Variants in ATP8A1 observed in about 807,000 individuals in gnomAD.
ATP8A1 encodes ATPase phospholipid transporting 8A1.
Under a neutral mutation model 177.7 loss-of-function variants are expected in ATP8A1, and 90 were observed. The ratio of observed to expected loss-of-function variants is 0.51; its 90% CI spans 0.43 to 0.60. The LOEUF is 0.60. Among genes scored for constraint, ATP8A1 ranks in the 20% least tolerant of loss-of-function variants. The probability of loss-of-function intolerance (pLI) is 0.00; values close to 1 mark genes in which losing one functional copy is unlikely to be tolerated. For missense variants in ATP8A1, 1,072 were observed against 1,392.8 expected (o/e 0.77, Z 3.67); for synonymous variants, 493 against 485.9 (o/e 1.01, Z -0.19).
intron 1 of ATP8A1, among the ~76,000 whole-genome samples, chr4:42,640,415 A>G (rs935963981): frequency 2.0e-5 from 3 of 152,354 alleles, no homozygotes; most frequent in African/African-American, 4.8e-5. Context: ...CTATTGGCCA[A>G]TGAGTTTGAG....
At chr4:42,523,185 C>A (rs890589948) in intron 21 of ATP8A1, among the ~76,000 whole-genome samples, 15 of 152,152 alleles carry the variant, frequency 9.9e-5, no homozygotes, top group Admixed American at 9.2e-4. Flanking sequence ...AAGTGACCCA[C>A]CCTGTGTCTG....
intron 13 of ATP8A1, 55 bp downstream of exon 13, chr4:42,575,567 C>T: frequency 6.8e-7 from 1 of 1,472,732 alleles, no homozygotes. Flanking sequence ...TGGCAGATAC[C>T]ACACCAAATC....
chr4:42,567,826 G>T (rs1043691372), intron 15 of ATP8A1, among the ~76,000 whole-genome samples: 1 of 152,134 alleles, frequency 6.6e-6, no homozygotes, highest in Non-Finnish European at 1.5e-5. Flanking sequence ...TTTGAATGAC[G>T]TGAGTAAACA....
intron 30 of ATP8A1, among the ~76,000 whole-genome samples, chr4:42,450,520 C>T (rs1447815393): frequency 6.6e-6 from 1 of 152,200 alleles, no homozygotes; most frequent in Non-Finnish European, 1.5e-5. Context: ...AACAAACTAA[C>T]TCACTGTAAT....
chr4:42,594,072 T>C (rs1483927452), intron 6 of ATP8A1, among the ~76,000 whole-genome samples: 1 of 152,118 alleles, frequency 6.6e-6, no homozygotes, highest in Non-Finnish European at 1.5e-5. Context: ...CTCTTAATTA[T>C]ATTTGAATGA....
chr4:42,497,352 C>G (rs771701884), intron 24 of ATP8A1, among the ~76,000 whole-genome samples: 28 of 152,148 alleles, frequency 1.8e-4, no homozygotes, highest in Non-Finnish European at 3.8e-4. Context: ...GCTGACTCAT[C>G]AGAAGGTATT....
chr4:42,531,807 A>G (rs184514572), intron 20 of ATP8A1, among the ~76,000 whole-genome samples: 1 of 152,298 alleles, frequency 6.6e-6, no homozygotes, highest in Admixed American at 6.5e-5. Flanking sequence ...AATCCCATTT[A>G]CAACAGTCAT....
chr4:42,555,882 A>G, intron 16 of ATP8A1, 86 bp downstream of exon 16: 1 of 835,526 alleles, frequency 1.2e-6, no homozygotes, highest in South Asian at 2.0e-5. Context: ...AAAAAAAGAG[A>G]AACATGTAAA....
chr4:42,472,093 T>C (rs532582439), intron 25 of ATP8A1: 3 of 709,104 alleles, frequency 4.2e-6, no homozygotes, highest in Admixed American at 1.8e-5. Context: ...GCTGTCTTTA[T>C]TGCTCAGAGG....
chr4:42,547,477 C>T (rs1423789911), intron 19 of ATP8A1, among the ~76,000 whole-genome samples: 2 of 152,182 alleles, frequency 1.3e-5, no homozygotes, highest in African/African-American at 4.8e-5. Context: ...AAACTCCCAA[C>T]CCTGCTTTAT....
chr4:42,525,047 C>G (rs926400632), intron 20 of ATP8A1, among the ~76,000 whole-genome samples, 200 bp from the exon 21 acceptor site: 1 of 152,212 alleles, frequency 6.6e-6, no homozygotes, highest in Non-Finnish European at 1.5e-5. Flanking sequence ...GCATCTTCAT[C>G]TTTCCTCTTT....
chr4:42,574,278 G>A (rs1732192086), intron 14 of ATP8A1, among the ~76,000 whole-genome samples: 1 of 152,128 alleles, frequency 6.6e-6, no homozygotes, highest in Admixed American at 6.6e-5. Context: ...CTCAAGGCCT[G>A]ATTATCTGTC....
chr4:42,630,092 T>C (rs1738565908), intron 1 of ATP8A1, among the ~76,000 whole-genome samples: 2 of 152,254 alleles, frequency 1.3e-5, no homozygotes, highest in Admixed American at 1.3e-4. Flanking sequence ...TTCATTTTTT[T>C]ATTTCCTCTG....
At chr4:42,444,145 C>T (rs10034439) in intron 32 of ATP8A1, among the ~76,000 whole-genome samples, 40,679 of 152,058 alleles carry the variant, frequency 0.27, 5,559 homozygotes, top group African/African-American at 0.33. Flanking sequence ...GCAAAACTAA[C>T]GTATCTAAAA....
chr4:42,467,795 A>G (rs1719953020), intron 25 of ATP8A1, among the ~76,000 whole-genome samples: 1 of 152,204 alleles, frequency 6.6e-6, no homozygotes, highest in Non-Finnish European at 1.5e-5. Context: ...TTTGTTGGCC[A>G]TCTGTATATC....
chr4:42,445,537 T>C (rs1390509259), intron 31 of ATP8A1, among the ~76,000 whole-genome samples: 1 of 152,180 alleles, frequency 6.6e-6, no homozygotes, highest in Non-Finnish European at 1.5e-5. Context: ...CTTTGATAGT[T>C]GTGGTGATGG....
chr4:42,600,357 TA>T, intron 6 of ATP8A1, 120 bp downstream of exon 6: 2 of 646,654 alleles, frequency 3.1e-6, no homozygotes, highest in Non-Finnish European at 4.7e-6. Flanking sequence ...TTTATATTAC[TA>T]AATAGCTTTT....
chr4:42,574,004 G>T (rs1732164851), intron 14 of ATP8A1, among the ~76,000 whole-genome samples: 1 of 152,180 alleles, frequency 6.6e-6, no homozygotes, highest in Non-Finnish European at 1.5e-5. Context: ...ATATTTTAAA[G>T]AGAAGGCTAT....
chr4:42,598,672 T>C (rs1309834264), intron 6 of ATP8A1, among the ~76,000 whole-genome samples: 1 of 152,200 alleles, frequency 6.6e-6, no homozygotes, highest in Non-Finnish European at 1.5e-5. Context: ...TATCAAAGTT[T>C]GGATGCTTTC....
Sources: allele counts gnomAD v4.1 joint callset (sites outside exome capture counted in the v4.1 genomes callset), GRCh38; gene constraint gnomAD v4.1.1; transcripts MANE v1.5; gene names NCBI Gene and HGNC (gene_info 2026-07-23, HGNC 2026-07-21).